Variants in EVI5 observed in about 807,000 individuals in gnomAD.
EVI5 encodes ecotropic viral integration site 5 protein homolog.
EVI5 carries 73 observed loss-of-function variants against 112.0 expected under a neutral mutation model. The ratio of observed to expected loss-of-function variants is 0.65; its 90% CI spans 0.54 to 0.79. The LOEUF (loss-of-function observed/expected upper bound fraction) is 0.79. Among genes scored for constraint, EVI5 ranks in the 30% least tolerant of loss-of-function variants. EVI5 has a pLI of 0.00. For missense variants in EVI5, 900 were observed against 968.8 expected (o/e 0.93, Z 0.94); for synonymous variants, 305 against 319.9 (o/e 0.95, Z 0.50).
In EVI5 at chr1:92,625,194, T is replaced by C. The variant is rs565742133; in HGVS notation, c.1668+600A>G. ...CAAAATATCTGTGATAAAAGACAAG[T>C]TTTGTCTTTTTTGTTTTAAAATTTC... On this transcript the variant is annotated intron_variant, in intron 15 of 19. Coordinates refer to ENST00000684568, the MANE Select transcript of EVI5 (RefSeq NM_001350197.2). Among the ~76,000 whole-genome samples the C allele has an allele frequency of 1.4e-4, 22 of 152,278 alleles. 1 individual carries two copies. In the East Asian group the frequency reaches 4.0e-3, roughly 28 times the overall value.
chr1:92,565,020 T>C (rs1021914479), intron 18 of EVI5, among the ~76,000 whole-genome samples: 7 of 152,244 alleles, frequency 4.6e-5, no homozygotes, highest in Middle Eastern at 3.4e-3. Flanking sequence ...GAATTGTTTT[T>C]GATGTCTCCA....
At chr1:92,557,659 C>T (rs745491072) in intron 19 of EVI5, among the ~76,000 whole-genome samples, 2 of 151,980 alleles carry the variant, frequency 1.3e-5, no homozygotes, top group Non-Finnish European at 2.9e-5. Flanking sequence ...TAGAACATTT[C>T]TCCTTTCAAG....
intron 13 of EVI5, among the ~76,000 whole-genome samples, chr1:92,659,025 TGAA>T (rs1189009056): frequency 6.6e-6 from 1 of 152,114 alleles, no homozygotes; most frequent in Non-Finnish European, 1.5e-5. Flanking sequence ...ATTAGCCATA[TGAA>T]GAAGAATGAA....
intron 1 of EVI5, among the ~76,000 whole-genome samples, chr1:92,761,519 A>G (rs1226494038): frequency 1.3e-5 from 2 of 152,242 alleles, no homozygotes; most frequent in East Asian, 1.9e-4. Flanking sequence ...ATCTGCATAC[A>G]TCGTTATGTC....
rs3042601 is a variant in EVI5, at chr1:92,735,652, A to ATGAC, written c.149+745_149+746insGTCA. 2.9e-3 allele frequency among the ~76,000 whole-genome samples: 413 copies of ATGAC among 142,314 alleles called. 1 individual carries two copies. The highest frequency in any genetic ancestry group is 8.8e-3 in the African/African-American group (343 of 38,844). The allele number at this position is 142,314 out of a possible 152,430, so 93.4% of individuals were successfully genotyped here. ...TATGATATATGTCATATATATATAT[A>ATGAC]ATTATATAATTCAACAAAATATATT... On this transcript the variant is annotated intron_variant, in intron 2 of 19. Coordinates refer to ENST00000684568, the MANE Select transcript of EVI5 (RefSeq NM_001350197.2).
chr1:92,645,093 C>T (rs899142300), intron 13 of EVI5, among the ~76,000 whole-genome samples: 1 of 152,106 alleles, frequency 6.6e-6, no homozygotes, highest in African/African-American at 2.4e-5. Flanking sequence ...ACAGGGATGT[C>T]GAAGACCTGA....
intron 9 of EVI5, among the ~76,000 whole-genome samples, chr1:92,687,008 C>T (rs1192537701): frequency 6.6e-6 from 1 of 152,114 alleles, no homozygotes; most frequent in Admixed American, 6.6e-5. Context: ...CAAGCTACCA[C>T]TGGTTTTCTT....
intron 1 of EVI5, among the ~76,000 whole-genome samples, chr1:92,747,669 AC>A (rs1445553828): frequency 7.6e-6 from 1 of 132,220 alleles, no homozygotes; most frequent in Non-Finnish European, 1.6e-5. Flanking sequence ...AGCTGAGATC[AC>A]GCCACTGCAC....
At chr1:92,648,400 A>T (rs1661417422) in intron 13 of EVI5, among the ~76,000 whole-genome samples, 1 of 151,512 alleles carries the variant, frequency 6.6e-6, no homozygotes, top group Non-Finnish European at 1.5e-5. Flanking sequence ...AAAAATAAAA[A>T]AATAAAAAAA....
chr1:92,718,929 T>C (rs1558141343), intron 2 of EVI5, among the ~76,000 whole-genome samples: 1 of 151,896 alleles, frequency 6.6e-6, no homozygotes, highest in African/African-American at 2.4e-5. Flanking sequence ...TCTGTGCAAA[T>C]AAACAAGAAA....
rs200409995 is a variant in EVI5, at chr1:92,512,680, G to C, written c.*976C>G. ...TAACCAACACATGGAAGCATCATAT[G>C]CACATAAAAGTTAAACATTAAAACA... On this transcript the variant is annotated 3_prime_UTR_variant, in exon 20 of 20. Transcript: ENST00000684568. 1 of 152,120 alleles carries C rather than the reference G, an allele frequency of 6.6e-6. No homozygotes were observed. Among genetic ancestry groups the C allele is most frequent in the Non-Finnish European group, 1.5e-5 (1 of 68,028 alleles). 9.4% of individuals were successfully genotyped at this position (152,120 alleles called of 1,614,324 possible). A position where few individuals can be genotyped will look rare whatever the true frequency, so the allele number is the denominator to read the frequency against.
chr1:92,618,841 T>C (rs886801237), intron 16 of EVI5, among the ~76,000 whole-genome samples: 5 of 152,218 alleles, frequency 3.3e-5, no homozygotes, highest in Admixed American at 6.5e-5. Context: ...TATACATTTG[T>C]ACTAAGAAAA....
intron 19 of EVI5, among the ~76,000 whole-genome samples, chr1:92,543,126 A>G (rs1665100604): frequency 6.6e-6 from 1 of 152,232 alleles, no homozygotes. Flanking sequence ...TCGCTAGGAA[A>G]GCCATAGAGG....
At chr1:92,618,558 C>T (rs182994055) in intron 16 of EVI5, among the ~76,000 whole-genome samples, 328 of 152,196 alleles carry the variant, frequency 2.2e-3, no homozygotes, top group African/African-American at 7.4e-3. Context: ...TATTACCATG[C>T]CCTGTGATTA....
intron 13 of EVI5, among the ~76,000 whole-genome samples, chr1:92,648,261 T>C (rs971967757): frequency 7.0e-6 from 1 of 142,376 alleles, no homozygotes; most frequent in African/African-American, 2.6e-5. Flanking sequence ...TAGTCCCAGA[T>C]ACTCGGGAGG....
At chr1:92,545,305 GCCTCAAGTGAT>G (rs748738401) in intron 19 of EVI5, among the ~76,000 whole-genome samples, 2 of 151,784 alleles carry the variant, frequency 1.3e-5, no homozygotes, top group Non-Finnish European at 2.9e-5. Flanking sequence ...TGAACTCCTG[GCCTCAAGTGAT>G]CCTCCTGTCT....
intron 1 of EVI5, among the ~76,000 whole-genome samples, chr1:92,761,377 T>C (rs900233821): frequency 4.6e-5 from 7 of 152,188 alleles, no homozygotes; most frequent in African/African-American, 1.7e-4. Context: ...TAACGCCAAA[T>C]GCATCCACAG....
intron 19 of EVI5, among the ~76,000 whole-genome samples, chr1:92,533,828 G>A (rs1663324853): frequency 6.6e-6 from 1 of 152,128 alleles, no homozygotes; most frequent in African/African-American, 2.4e-5. Flanking sequence ...ATATCATACT[G>A]AGTGGGCAAA....
At chr1:92,767,701 T>C (rs527803962) in intron 1 of EVI5, among the ~76,000 whole-genome samples, 1 of 152,274 alleles carries the variant, frequency 6.6e-6, no homozygotes, top group Non-Finnish European at 1.5e-5. Flanking sequence ...ATTTAAGCTC[T>C]TTGAATCTTG....
Sources: gnomAD v4.1 joint callset for allele counts (sites outside exome capture counted in the v4.1 genomes callset) on GRCh38, gnomAD v4.1.1 for gene constraint, MANE v1.5 for transcripts, NCBI Gene and HGNC (gene_info 2026-07-23, HGNC 2026-07-21) for gene names.